The following PACS1 variants were observed in gnomAD, a reference collection of about 807,000 sequenced individuals.
PACS1 encodes phosphofurin acidic cluster sorting protein 1, also known as PACS-1.
In PACS1, 24 loss-of-function variants were observed where a neutral mutation model predicts 115.0. That is an observed-to-expected ratio of 0.21 (90% CI 0.15 to 0.29). The LOEUF is 0.29. Ranked by LOEUF, PACS1 falls within the 10% of genes least tolerant of loss-of-function variation. The probability of loss-of-function intolerance (pLI) is 1.00; values close to 1 mark genes in which losing one functional copy is unlikely to be tolerated. For missense variants in PACS1, 838 were observed against 1,251.2 expected (o/e 0.67, Z 4.98); for synonymous variants, 453 against 504.5 (o/e 0.90, Z 1.37).
intron 1 of PACS1, among the ~76,000 whole-genome samples, chr11:66,102,753 G>A (rs1446489346): frequency 6.6e-6 from 1 of 152,114 alleles, no homozygotes; most frequent in African/African-American, 2.4e-5. Context: ...GAGGGAAATG[G>A]TTGTTATTTT....
In PACS1 at chr11:66,202,743, ATATATATATATATATAT is replaced by A. The variant is rs1408958593; in HGVS notation, c.445-7618_445-7602del. 2.0e-4 allele frequency among the ~76,000 whole-genome samples: 12 copies of A among 58,932 alleles called. 2 individuals carry two copies. Among genetic ancestry groups the A allele is most frequent in the Admixed American group, 1.6e-3 (6 of 3,658 alleles). 38.7% of individuals were successfully genotyped at this position (58,932 alleles called of 152,430 possible). A position where few individuals can be genotyped will look rare whatever the true frequency, so the allele number is the denominator to read the frequency against. ...ATCTCTAGGAAAAAAAAAAAAAAAA[ATATATATATATATATAT>A]ATATATATATATATATATATATTCT... is the stretch of plus-strand genomic sequence containing the variant. On this transcript the variant is annotated intron_variant, in intron 2 of 23. Transcript: ENST00000320580.
intron 1 of PACS1, among the ~76,000 whole-genome samples, chr11:66,077,703 GTTT>G (rs34935652): frequency 7.6e-6 from 1 of 131,272 alleles, no homozygotes; most frequent in Non-Finnish European, 1.6e-5. Flanking sequence ...TTGTAAGTTT[GTTT>G]TTTTTTTTTT....
chr11:66,238,794 C>A lies in PACS1; in HGVS notation c.2251-10C>A. Reference sequence around the variant, plus strand: ...GGAGGATCTAATGAGTGCCTCTTCTCTCCTTGCAGGTGGTGAAGGTGGGTC... The same window carrying A: ...GGAGGATCTAATGAGTGCCTCTTCTATCCTTGCAGGTGGTGAAGGTGGGTC... On this transcript the variant is annotated splice_polypyrimidine_tract_variant and intron_variant, in intron 19 of 23. Transcript: ENST00000320580. 1.3e-6 allele frequency: 2 copies of A among 1,584,322 alleles called. No homozygotes were observed. Among genetic ancestry groups the A allele is most frequent in the Admixed American group, 1.8e-5 (1 of 56,362 alleles).
chr11:66,137,041 C>T (rs981409825), intron 1 of PACS1, among the ~76,000 whole-genome samples: 9 of 133,026 alleles, frequency 6.8e-5, no homozygotes, highest in African/African-American at 1.9e-4. Flanking sequence ...CCCACCATTT[C>T]GTCATTTGTC....
intron 2 of PACS1, among the ~76,000 whole-genome samples, chr11:66,199,342 G>T (rs1854722997): frequency 6.6e-6 from 1 of 151,438 alleles, no homozygotes; most frequent in Non-Finnish European, 1.5e-5. Context: ...AGGGAGGGGG[G>T]ATGAAGTTGA....
chr11:66,078,397 C>T (rs1332923697), intron 1 of PACS1, among the ~76,000 whole-genome samples: 2 of 152,254 alleles, frequency 1.3e-5, no homozygotes, highest in East Asian at 1.9e-4. Flanking sequence ...CTCCAAATGA[C>T]AGATCTTTTG....
chr11:66,107,404 A>G (rs576191479), intron 1 of PACS1, among the ~76,000 whole-genome samples: 1 of 152,094 alleles, frequency 6.6e-6, no homozygotes, highest in South Asian at 2.1e-4. Context: ...GCACTTGTCA[A>G]CTGCTAACAC....
chr11:66,126,174 A>G (rs932847284), intron 1 of PACS1, among the ~76,000 whole-genome samples: 1 of 152,136 alleles, frequency 6.6e-6, no homozygotes, highest in African/African-American at 2.4e-5. Context: ...TCTGATTTCT[A>G]TCACCAGTGG....
chr11:66,146,773 G>A (rs976304858), intron 1 of PACS1, among the ~76,000 whole-genome samples: 3 of 152,214 alleles, frequency 2.0e-5, no homozygotes, highest in East Asian at 1.9e-4. Flanking sequence ...GAGGCTGGGT[G>A]TAGTGGCTCA....
chr11:66,193,378 C>T (rs1027399035), intron 1 of PACS1, 108 bp from the exon 2 acceptor site: 1 of 689,800 alleles, frequency 1.4e-6, no homozygotes, highest in Non-Finnish European at 2.6e-6. Context: ...CTGAGGACAG[C>T]GTTCTCACAT....
At chr11:66,234,012 C>T (rs749663688) in intron 16 of PACS1, 73 bp downstream of exon 16, 900 of 1,571,124 alleles carry the variant, frequency 5.7e-4, no homozygotes, top group Non-Finnish European at 7.4e-4. Context: ...TGGAACAGGA[C>T]GGTGGGGTTG....
At chr11:66,200,535 CA>C (rs1376982463) in intron 2 of PACS1, among the ~76,000 whole-genome samples, 1 of 149,004 alleles carries the variant, frequency 6.7e-6, no homozygotes, top group Non-Finnish European at 1.5e-5. Context: ...GATTTCAAGA[CA>C]AAAATTGTAA....
In PACS1 at chr11:66,216,739, C is replaced by G. The variant is rs1328072705; in HGVS notation, c.942C>G (p.Thr314=). ...AAGATCTCCGGAAAGTGAAGAAGAC[C>G]CGGAGGAAACTAACCTCAACCTCTG... ...EDEDLRKVKK[T]RRKLTSTSAI... is the part of the protein sequence containing the mutation. Residue 314 remains threonine, a synonymous_variant, in exon 7 of 24, where the codon ACC becomes ACG. Transcript: ENST00000320580. The G allele has an allele frequency of 1.2e-6, 2 of 1,613,822 alleles. No individual in the cohort carries two copies. The highest frequency in any genetic ancestry group is 1.7e-6 in the Non-Finnish European group (2 of 1,179,956).
At chr11:66,224,476 AC>A (rs1855432554) in intron 10 of PACS1, among the ~76,000 whole-genome samples, 4 of 152,320 alleles carry the variant, frequency 2.6e-5, no homozygotes, top group Admixed American at 2.6e-4. Context: ...TGATTGACTT[AC>A]TGCACACAGA....
At chr11:66,195,507 G>C (rs894856440) in intron 2 of PACS1, among the ~76,000 whole-genome samples, 1 of 152,174 alleles carries the variant, frequency 6.6e-6, no homozygotes, top group Non-Finnish European at 1.5e-5. Context: ...CATTGGGGTG[G>C]TTTTGAAAGT....
At chr11:66,085,967 C>G (rs1857558999) in intron 1 of PACS1, among the ~76,000 whole-genome samples, 1 of 152,042 alleles carries the variant, frequency 6.6e-6, no homozygotes, top group Non-Finnish European at 1.5e-5. Flanking sequence ...TTGTGTTGGT[C>G]ACTCAGATAT....
intron 22 of PACS1, among the ~76,000 whole-genome samples, chr11:66,241,862 G>T (rs761527773): frequency 6.6e-6 from 1 of 152,190 alleles, no homozygotes; most frequent in Non-Finnish European, 1.5e-5. Context: ...GCAGAGAGTC[G>T]CTTGGTCACT....
chr11:66,149,679 CGT>C (rs57522847), intron 1 of PACS1, among the ~76,000 whole-genome samples: 304 of 118,242 alleles, frequency 2.6e-3, no homozygotes, highest in Non-Finnish European at 3.6e-3. Flanking sequence ...ATCTTGTGTT[CGT>C]GTGTGTGTGT....
intron 1 of PACS1, among the ~76,000 whole-genome samples, chr11:66,127,868 G>T (rs1858616113): frequency 6.6e-6 from 1 of 152,210 alleles, no homozygotes; most frequent in Non-Finnish European, 1.5e-5. Context: ...GTATGTCCTG[G>T]TATGTGTGCA....
Sources: allele counts gnomAD v4.1 joint callset (sites outside exome capture counted in the v4.1 genomes callset), GRCh38; gene constraint gnomAD v4.1.1; transcripts MANE v1.5; gene names NCBI Gene and HGNC (gene_info 2026-07-23, HGNC 2026-07-21).